CADPS2: variants seen among roughly 807,000 people sequenced by gnomAD.
The protein encoded by CADPS2 is calcium dependent secretion activator 2, also known as calcium-dependent secretion activator 2.
In CADPS2, 93 loss-of-function variants were observed where a neutral mutation model predicts 172.5. That is an observed-to-expected ratio of 0.54 (90% CI 0.46 to 0.64). CADPS2 has a LOEUF of 0.64. CADPS2 is among the 30% of genes least tolerant of loss of function. The pLI is 0.00. For missense variants in CADPS2, 1,420 were observed against 1,565.9 expected, an observed-to-expected ratio of 0.91 and a Z score of 1.57; for synonymous variants, 546 against 555.2, an observed-to-expected ratio of 0.98 and a Z score of 0.23.
chr7:122,350,705 G>A (rs921600236), intron 27 of CADPS2, among the ~76,000 whole-genome samples: 1 of 152,118 alleles, frequency 6.6e-6, no homozygotes, highest in Non-Finnish European at 1.5e-5. Context: ...TAAAGAGGGG[G>A]CTGGATGCAG....
chr7:122,459,447 T>C (rs890392742), intron 14 of CADPS2, among the ~76,000 whole-genome samples: 3 of 152,100 alleles, frequency 2.0e-5, no homozygotes, highest in Non-Finnish European at 2.9e-5. Flanking sequence ...GCAAAGTTGG[T>C]TTTTTAGAAA....
chr7:122,765,054 C>G (rs772909364), intron 1 of CADPS2, among the ~76,000 whole-genome samples: 80 of 152,184 alleles, frequency 5.3e-4, no homozygotes, highest in Non-Finnish European at 1.1e-3. Context: ...CTGATTCACT[C>G]TCTCATGAAT....
intron 3 of CADPS2, among the ~76,000 whole-genome samples, chr7:122,631,588 A>T (rs1464529989): frequency 6.6e-6 from 1 of 152,096 alleles, no homozygotes; most frequent in Non-Finnish European, 1.5e-5. Flanking sequence ...CTGTTTTTTT[A>T]AAAAATAATT....
rs71159797 is a variant in CADPS2, at chr7:122,425,425, CAAAAAAA to C, written c.2477-9268_2477-9262del. Among the ~76,000 whole-genome samples the C allele has an allele frequency of 9.8e-4, 71 of 72,672 alleles. 1 individual carries two copies. In the South Asian group the frequency reaches 0.01, roughly 11 times the overall value. The allele number at this position is 72,672 out of a possible 152,430, so 47.7% of individuals were successfully genotyped here. A position where few individuals can be genotyped will look rare whatever the true frequency, so the allele number is the denominator to read the frequency against. The stretch of plus-strand genomic sequence containing the variant: ...CAACGTGGCGAAACCCTATCTCTAC[CAAAAAAA>C]AAAAAAAAAAAAAAAAAAATTATCC... On this transcript the variant is annotated intron_variant, in intron 17 of 29. Transcript: ENST00000449022.
intron 2 of CADPS2, among the ~76,000 whole-genome samples, chr7:122,714,794 T>C (rs530787995): frequency 3.9e-5 from 6 of 152,274 alleles, no homozygotes; most frequent in Admixed American, 2.6e-4. Flanking sequence ...AAACTTACAG[T>C]AATAATAAGT....
At chr7:122,734,766 T>G (rs773612239) in intron 2 of CADPS2, among the ~76,000 whole-genome samples, 24 of 152,246 alleles carry the variant, frequency 1.6e-4, no homozygotes, top group Non-Finnish European at 2.8e-4. Flanking sequence ...AAGTGTGTAT[T>G]ACCTGGAAAA....
intron 1 of CADPS2, among the ~76,000 whole-genome samples, chr7:122,785,465 T>C (rs1312492931): frequency 6.6e-6 from 1 of 152,158 alleles, no homozygotes; most frequent in Admixed American, 6.5e-5. Context: ...CTGGAGGAGG[T>C]ACCCAGGCAT....
At chr7:122,686,179 T>C (rs2083593227) in intron 2 of CADPS2, among the ~76,000 whole-genome samples, 1 of 152,236 alleles carries the variant, frequency 6.6e-6, no homozygotes, top group Non-Finnish European at 1.5e-5. Context: ...TATTCTTTTA[T>C]TTATAAATTG....
At chr7:122,829,110 G>A (rs1805761465) in intron 1 of CADPS2, among the ~76,000 whole-genome samples, 1 of 152,142 alleles carries the variant, frequency 6.6e-6, no homozygotes, top group Non-Finnish European at 1.5e-5. Flanking sequence ...ATATGATGAT[G>A]TTATTCTGTT....
At chr7:122,417,429 C>A (rs899047490) in intron 17 of CADPS2, among the ~76,000 whole-genome samples, 7 of 152,100 alleles carry the variant, frequency 4.6e-5, no homozygotes, top group Non-Finnish European at 1.0e-4. Flanking sequence ...TGTGAAACAC[C>A]AAATAGTCAA....
chr7:122,405,180 G>C (rs1251559389), intron 20 of CADPS2, among the ~76,000 whole-genome samples: 4 of 152,078 alleles, frequency 2.6e-5, no homozygotes, highest in Non-Finnish European at 1.5e-5. Context: ...TTCTCATTTA[G>C]GGGACTTAAT....
intron 1 of CADPS2, among the ~76,000 whole-genome samples, chr7:122,860,742 A>G (rs565692051): frequency 8.5e-5 from 13 of 152,124 alleles, no homozygotes; most frequent in Middle Eastern, 3.4e-3. Context: ...TGTACCCAAT[A>G]CTTTTCCCAG....
intron 2 of CADPS2, among the ~76,000 whole-genome samples, chr7:122,733,786 C>T (rs561635896): frequency 6.6e-6 from 1 of 152,056 alleles, no homozygotes; most frequent in Non-Finnish European, 1.5e-5. Flanking sequence ...AGTTTGAATC[C>T]TTTATTTGCA....
intron 25 of CADPS2, among the ~76,000 whole-genome samples, 187 bp from the exon 26 acceptor site, chr7:122,361,200 T>C (rs929697319): frequency 3.3e-5 from 5 of 151,912 alleles, no homozygotes; most frequent in African/African-American, 9.7e-5. Flanking sequence ...TGTCCTTTTC[T>C]TTCCCATGGC....
intron 1 of CADPS2, among the ~76,000 whole-genome samples, chr7:122,884,409 C>G (rs112164408): frequency 1.3e-5 from 2 of 152,144 alleles, no homozygotes; most frequent in Non-Finnish European, 2.9e-5. Flanking sequence ...ATAAAAACAC[C>G]GCGGGGCATT....
At chr7:122,513,867 T>C (rs1351512896) in intron 8 of CADPS2, among the ~76,000 whole-genome samples, 1 of 152,198 alleles carries the variant, frequency 6.6e-6, no homozygotes, top group Admixed American at 6.6e-5. Flanking sequence ...TCCATCATTA[T>C]GGGATTTACC....
In CADPS2 at chr7:122,600,767, A is replaced by G. The variant is rs529367177; in HGVS notation, c.1223+14414T>C. On this transcript the variant is annotated intron_variant, in intron 6 of 29. Coordinates refer to ENST00000449022, the MANE Select transcript of CADPS2 (RefSeq NM_017954.11). ...CTATTTACTAAAAGTTTCGTTTAAT[A>G]AAGAACTAATGAGCCTCTCCCAGAT... 5.0e-4 allele frequency among the ~76,000 whole-genome samples: 76 copies of G among 152,240 alleles called. 4 individuals are homozygous for G. The highest frequency in any genetic ancestry group is 1.4e-3 in the South Asian group (7 of 4,828).
chr7:122,463,259 A>T (rs1390638921), intron 14 of CADPS2, among the ~76,000 whole-genome samples: 1 of 152,200 alleles, frequency 6.6e-6, no homozygotes, highest in Non-Finnish European at 1.5e-5. Context: ...ACATTCTCTG[A>T]ACACAAAGGA....
intron 8 of CADPS2, among the ~76,000 whole-genome samples, chr7:122,521,171 C>T (rs2060757389): frequency 1.3e-5 from 2 of 152,084 alleles, no homozygotes; most frequent in South Asian, 4.1e-4. Context: ...TTAATGCAGG[C>T]TCAAAAATCT....
Sources: allele counts gnomAD v4.1 joint callset (sites outside exome capture counted in the v4.1 genomes callset), GRCh38; gene constraint gnomAD v4.1.1; transcripts MANE v1.5; gene names NCBI Gene and HGNC (gene_info 2026-07-23, HGNC 2026-07-21).